DYNC1I1: variants seen among roughly 807,000 people sequenced by gnomAD.
DYNC1I1 encodes dynein cytoplasmic 1 intermediate chain 1, also known as cytoplasmic dynein 1 intermediate chain 1.
Under a neutral mutation model 86.6 loss-of-function variants are expected in DYNC1I1, and 43 were observed. The observed-to-expected ratio is 0.50, with a 90% CI of 0.39 to 0.64. DYNC1I1 has a LOEUF of 0.64. Among genes scored for constraint, DYNC1I1 ranks in the 30% least tolerant of loss-of-function variants. The probability of loss-of-function intolerance (pLI) is 0.00; values close to 1 mark genes in which losing one functional copy is unlikely to be tolerated. For synonymous variants in DYNC1I1, 262 were observed against 283.7 expected (o/e 0.92, Z 0.77); for missense variants, 604 against 788.8 (o/e 0.77, Z 2.81).
chr7:96,098,431 C>T (rs1791077144), downstream of DYNC1I1: 2 of 984,968 alleles, frequency 2.0e-6, no homozygotes, highest in African/African-American at 1.7e-5. Context: ...ACCAGGTCTG[C>T]ACCAGTGTGA....
At chr7:96,091,529 C>A (rs142113983) in intron 16 of DYNC1I1, among the ~76,000 whole-genome samples, 3 of 151,966 alleles carry the variant, frequency 2.0e-5, no homozygotes, top group Non-Finnish European at 4.4e-5. Flanking sequence ...GAAATCAGAG[C>A]GCTTTTCTAA....
At chr7:95,814,869 T>C (rs1794913074) in intron 4 of DYNC1I1, among the ~76,000 whole-genome samples, 1 of 152,158 alleles carries the variant, frequency 6.6e-6, no homozygotes, top group Non-Finnish European at 1.5e-5. Flanking sequence ...AGCACATGTC[T>C]TCTCTCATCT....
At chr7:95,874,165 G>A (rs533966970) in intron 6 of DYNC1I1, among the ~76,000 whole-genome samples, 2 of 152,172 alleles carry the variant, frequency 1.3e-5, no homozygotes, top group South Asian at 2.1e-4. Context: ...TCTTTTCAAC[G>A]GACACTTCAT....
At chr7:95,832,437 A>T (rs1187366818) in intron 5 of DYNC1I1, among the ~76,000 whole-genome samples, 1 of 151,766 alleles carries the variant, frequency 6.6e-6, no homozygotes, top group East Asian at 1.9e-4. Context: ...ATACGTGTGC[A>T]TGTGTCTTTA....
At chr7:95,842,836 TG>T (rs1308450161) in intron 5 of DYNC1I1, among the ~76,000 whole-genome samples, 1 of 152,220 alleles carries the variant, frequency 6.6e-6, no homozygotes, top group Non-Finnish European at 1.5e-5. Flanking sequence ...TCTGTTTTTT[TG>T]CTGAAGTACT....
intron 3 of DYNC1I1, among the ~76,000 whole-genome samples, chr7:95,810,915 A>C (rs1207283541): frequency 2.0e-5 from 3 of 152,168 alleles, no homozygotes; most frequent in Admixed American, 1.3e-4. Context: ...TGAATTTCAT[A>C]ACTACCACAG....
chr7:95,823,701 G>A (rs1795132492), intron 4 of DYNC1I1, among the ~76,000 whole-genome samples: 2 of 151,534 alleles, frequency 1.3e-5, no homozygotes, highest in Admixed American at 6.6e-5. Flanking sequence ...CCCAGGAAGC[G>A]GGGCTTCAAG....
Position 95,889,065 on chromosome 7 carries a change from A to G in DYNC1I1, c.490+19067A>G, listed in dbSNP as rs183852805. 3.9e-3 allele frequency among the ~76,000 whole-genome samples: 596 copies of G among 152,246 alleles called. 2 individuals are homozygous for G. Among genetic ancestry groups the G allele is most frequent in the Non-Finnish European group, 5.1e-3 (344 of 68,022 alleles). On this transcript the variant is annotated intron_variant, in intron 6 of 16. Transcript: ENST00000447467. ...TGAATAAATTGAAATAGAACATGGG[A>G]GATATTACCTAGTGAGCCTAGTAGA...
chr7:96,106,743 T>G (rs1287546498), intron 16 of DYNC1I1, among the ~76,000 whole-genome samples: 1 of 152,200 alleles, frequency 6.6e-6, no homozygotes, highest in Admixed American at 6.5e-5. Context: ...TTGTTTTCAT[T>G]TCTAGTTTGA....
intron 5 of DYNC1I1, among the ~76,000 whole-genome samples, chr7:95,869,335 A>T (rs13238310): frequency 6.6e-6 from 1 of 152,044 alleles, no homozygotes; most frequent in Non-Finnish European, 1.5e-5. Flanking sequence ...TGCTATATCA[A>T]TGTGTCTTTC....
At chr7:95,993,957 G>A (rs1422903930) in intron 9 of DYNC1I1, among the ~76,000 whole-genome samples, 1 of 152,176 alleles carries the variant, frequency 6.6e-6, no homozygotes, top group Non-Finnish European at 1.5e-5. Flanking sequence ...ACATTTTCAT[G>A]AAATGTGTCC....
chr7:95,907,929 A>G (rs1791219511), intron 6 of DYNC1I1, among the ~76,000 whole-genome samples: 1 of 152,210 alleles, frequency 6.6e-6, no homozygotes, highest in South Asian at 2.1e-4. Flanking sequence ...AAATAAATAG[A>G]ATGAAAACAA....
At chr7:96,043,714 T>G (rs924640158) in intron 14 of DYNC1I1, among the ~76,000 whole-genome samples, 1 of 151,822 alleles carries the variant, frequency 6.6e-6, no homozygotes, top group Non-Finnish European at 1.5e-5. Context: ...CTATTTTTAG[T>G]AATTTTTTTT....
chr7:96,020,527 G>A (rs542668414), intron 10 of DYNC1I1, among the ~76,000 whole-genome samples: 5 of 152,196 alleles, frequency 3.3e-5, no homozygotes, highest in South Asian at 2.1e-4. Flanking sequence ...CCCACAACAC[G>A]TGGAAACTCA....
At chr7:95,926,483 T>C (rs549692157) in intron 6 of DYNC1I1, among the ~76,000 whole-genome samples, 3 of 152,104 alleles carry the variant, frequency 2.0e-5, no homozygotes, top group South Asian at 4.1e-4. Context: ...AAGACTGAAA[T>C]GGTTACAAAA....
rs77746661 is a variant in DYNC1I1 at position 96,031,504 on chromosome 7, A to G, written c.1117-1163A>G. Among the ~76,000 whole-genome samples, 360 of 152,302 alleles carry G rather than the reference A, an allele frequency of 2.4e-3. 2 individuals are homozygous for G. The highest frequency in any genetic ancestry group is 8.1e-3 in the African/African-American group (335 of 41,568). ...GAAGAAAAAACTCCCCCAGGATACTACGAAAACTGGCTGCCCTTTAAGGAA... is the reference window on the plus strand; with the variant it reads ...GAAGAAAAAACTCCCCCAGGATACTGCGAAAACTGGCTGCCCTTTAAGGAA... On this transcript the variant is annotated intron_variant, in intron 11 of 16. Transcript: ENST00000447467.
intron 6 of DYNC1I1, among the ~76,000 whole-genome samples, chr7:95,946,287 T>G (rs1792398425): frequency 1.3e-5 from 2 of 151,440 alleles, no homozygotes; most frequent in African/African-American, 4.9e-5. Context: ...ATCCTCCACA[T>G]GTATCCTGGA....
intron 10 of DYNC1I1, among the ~76,000 whole-genome samples, chr7:96,016,301 G>A (rs1225676802): frequency 6.7e-6 from 1 of 149,536 alleles, no homozygotes; most frequent in Non-Finnish European, 1.5e-5. Context: ...GAACACTTTA[G>A]GTTTTTTTTT....
intron 5 of DYNC1I1, among the ~76,000 whole-genome samples, chr7:95,859,983 C>G (rs929786928): frequency 1.3e-5 from 2 of 152,182 alleles, no homozygotes. Flanking sequence ...AAAACTGTCC[C>G]TTTTGCCCTC....
Sources: allele counts gnomAD v4.1 joint callset (sites outside exome capture counted in the v4.1 genomes callset), GRCh38; gene constraint gnomAD v4.1.1; transcripts MANE v1.5; gene names NCBI Gene and HGNC (gene_info 2026-07-23, HGNC 2026-07-21).